Variants in CDH10 observed in about 807,000 individuals in gnomAD.
The protein encoded by CDH10 is cadherin-10.
Under a neutral mutation model 73.1 loss-of-function variants are expected in CDH10, and 30 were observed. The ratio of observed to expected loss-of-function variants is 0.41; its 90% CI spans 0.31 to 0.56. CDH10 has a LOEUF of 0.56. Among genes scored for constraint, CDH10 ranks in the 20% least tolerant of loss-of-function variants. CDH10 has a pLI of 0.27. For synonymous variants in CDH10, 345 were observed against 348.2 expected (o/e 0.99, Z 0.10); for missense variants, 815 against 973.7 (o/e 0.84, Z 2.17).
At chr5:24,508,396 G>A (rs1742774841) in intron 7 of CDH10, among the ~76,000 whole-genome samples, 1 of 152,088 alleles carries the variant, frequency 6.6e-6, no homozygotes, top group African/African-American at 2.4e-5. Flanking sequence ...TTTCTAGAAT[G>A]TTCTCATATT....
chr5:24,523,824 T>TA (rs1447124206), intron 5 of CDH10, among the ~76,000 whole-genome samples: 2 of 152,118 alleles, frequency 1.3e-5, no homozygotes, highest in African/African-American at 2.4e-5. Context: ...TTTCAAGACT[T>TA]AAACGGGAAA....
intron 1 of CDH10, among the ~76,000 whole-genome samples, chr5:24,601,754 T>C (rs933652260): frequency 3.3e-5 from 5 of 152,150 alleles, no homozygotes; most frequent in African/African-American, 1.2e-4. Flanking sequence ...TTAAGAATTG[T>C]GCCAGTGGAA....
chr5:24,597,999 T>A (rs371767847), intron 1 of CDH10, among the ~76,000 whole-genome samples: 1 of 152,026 alleles, frequency 6.6e-6, no homozygotes, highest in East Asian at 1.9e-4. Flanking sequence ...GATATAAAAG[T>A]CCCTAGAGAT....
rs1285784667 is a variant in CDH10 at position 24,593,282 on chromosome 5, G to T, written c.209C>A (p.Ser70Tyr). The T allele has an allele frequency of 1.9e-6, 3 of 1,602,590 alleles. No homozygotes were observed. In the Admixed American group the frequency reaches 5.0e-5, roughly 27 times the overall value. The stretch of plus-strand genomic sequence containing the variant: ...TACCTTGCCTACGTACTGATAATCA[G>T]ATCCTGTATATTCTTCAAGTAAGAA... ...QFFLLEEYTG[S>Y]DYQYVGKLHS... The change falls in exon 2 of 12, where the codon TCT becomes TAT. Residue 70 changes from serine (S) to tyrosine (Y), a missense_variant. Ser to Tyr is a moderately radical substitution (Grantham distance 144, BLOSUM62 -2). Transcript: ENST00000264463.
intron 2 of CDH10, among the ~76,000 whole-genome samples, chr5:24,592,844 A>G (rs1020833378): frequency 6.6e-6 from 1 of 151,746 alleles, no homozygotes; most frequent in Non-Finnish European, 1.5e-5. Flanking sequence ...CTCGTTCTGT[A>G]GAAGATTAAA....
Position 24,597,969 on chromosome 5 carries a change from C to G in CDH10, c.-123-4356G>C, listed in dbSNP as rs548765419. 6.5e-4 allele frequency among the ~76,000 whole-genome samples: 98 copies of G among 151,512 alleles called. 1 individual carries two copies. The highest frequency in any genetic ancestry group is 9.3e-4 in the Non-Finnish European group (63 of 67,858). Reference sequence around the variant, plus strand: ...TATATATATTATTTATAAGAGTAATCGAAAATGCTAAAGATTATAGATATA... The same window carrying G: ...TATATATATTATTTATAAGAGTAATGGAAAATGCTAAAGATTATAGATATA... On this transcript the variant is annotated intron_variant, in intron 1 of 11. Transcript: ENST00000264463.
chr5:24,628,742 G>A (rs867803278), intron 1 of CDH10, among the ~76,000 whole-genome samples: 1 of 151,776 alleles, frequency 6.6e-6, no homozygotes, highest in African/African-American at 2.4e-5. Context: ...ACCCAGGTTG[G>A]TGTCTTAGTA....
chr5:24,637,836 G>A (rs1478515082), intron 1 of CDH10, among the ~76,000 whole-genome samples: 1 of 151,734 alleles, frequency 6.6e-6, no homozygotes, highest in African/African-American at 2.4e-5. Context: ...ATTTCCCTAA[G>A]GGTGTTTCTG....
At chr5:24,625,591 G>T (rs1366418838) in intron 1 of CDH10, among the ~76,000 whole-genome samples, 3 of 146,560 alleles carry the variant, frequency 2.0e-5, no homozygotes, top group South Asian at 4.2e-4. Context: ...TCATATATAT[G>T]AATATATATG....
intron 7 of CDH10, among the ~76,000 whole-genome samples, chr5:24,508,740 A>G (rs954287786): frequency 6.6e-6 from 1 of 151,030 alleles, no homozygotes; most frequent in Non-Finnish European, 1.5e-5. Flanking sequence ...GCTGGTTTCG[A>G]ACCCCTGAGC....
chr5:24,628,745 T>A (rs1747594537), intron 1 of CDH10, among the ~76,000 whole-genome samples: 1 of 152,038 alleles, frequency 6.6e-6, no homozygotes. Context: ...CAGGTTGGTG[T>A]CTTAGTAACC....
At chr5:24,521,267 G>A (rs180923428) in intron 5 of CDH10, among the ~76,000 whole-genome samples, 99 of 152,288 alleles carry the variant, frequency 6.5e-4, no homozygotes, top group African/African-American at 2.2e-3. Context: ...AAAGTGGGCC[G>A]GGTGTGGTGG....
intron 1 of CDH10, among the ~76,000 whole-genome samples, chr5:24,629,397 G>C (rs898030159): frequency 3.3e-5 from 5 of 152,146 alleles, no homozygotes; most frequent in Non-Finnish European, 7.4e-5. Context: ...TTAGGGTGAG[G>C]CCAGTTGTAT....
At chr5:24,533,840 A>C (rs1221756881) in intron 5 of CDH10, among the ~76,000 whole-genome samples, 1 of 152,106 alleles carries the variant, frequency 6.6e-6, no homozygotes, top group Non-Finnish European at 1.5e-5. Flanking sequence ...GCATAAGCAC[A>C]TGCCTTGCCC....
At chr5:24,632,561 A>G (rs1472831639) in intron 1 of CDH10, among the ~76,000 whole-genome samples, 1 of 151,976 alleles carries the variant, frequency 6.6e-6, no homozygotes, top group Non-Finnish European at 1.5e-5. Flanking sequence ...CAGTCAGACT[A>G]TTGGGCTGTG....
chr5:24,633,426 T>A (rs1347763998), intron 1 of CDH10, among the ~76,000 whole-genome samples: 1 of 151,908 alleles, frequency 6.6e-6, no homozygotes, highest in Non-Finnish European at 1.5e-5. Flanking sequence ...GAACTTCCAA[T>A]GAACCCACTG....
At chr5:24,517,504 C>T (rs1434333507) in intron 5 of CDH10, among the ~76,000 whole-genome samples, 1 of 152,162 alleles carries the variant, frequency 6.6e-6, no homozygotes, top group Non-Finnish European at 1.5e-5. Flanking sequence ...GTTGCCTCCA[C>T]TGGCCAACAT....
chr5:24,574,419 G>A (rs55764614), intron 2 of CDH10, among the ~76,000 whole-genome samples: 71,096 of 151,556 alleles, frequency 0.47, 17,671 homozygotes, highest in East Asian at 0.69. Context: ...AAAATGGATA[G>A]TTGGAAGAGG....
intron 1 of CDH10, among the ~76,000 whole-genome samples, chr5:24,632,313 A>G (rs991765375): frequency 7.0e-6 from 1 of 142,512 alleles, no homozygotes; most frequent in African/African-American, 2.6e-5. Context: ...CAAATTTTAA[A>G]CATTTCTATA....
Sources: gnomAD v4.1 joint callset for allele counts (sites outside exome capture counted in the v4.1 genomes callset) on GRCh38, gnomAD v4.1.1 for gene constraint, MANE v1.5 for transcripts, NCBI Gene and HGNC (gene_info 2026-07-23, HGNC 2026-07-21) for gene names.